ST6GALNAC3: variants seen among roughly 807,000 people sequenced by gnomAD.
ST6GALNAC3 encodes the protein alpha-N-acetylgalactosaminide alpha-2,6-sialyltransferase 3.
A neutral mutation model predicts 32.7 loss-of-function variants in ST6GALNAC3; 25 were observed. The observed-to-expected ratio is 0.76, with a 90% CI of 0.56 to 1.07. The LOEUF (loss-of-function observed/expected upper bound fraction) is 1.07, where lower values mean the gene tolerates loss of function less well. Ranked by LOEUF, ST6GALNAC3 falls within the 50% of genes least tolerant of loss-of-function variation. The probability of loss-of-function intolerance (pLI) is 0.00; values close to 1 mark genes in which losing one functional copy is unlikely to be tolerated. For synonymous variants in ST6GALNAC3, 129 were observed against 133.1 expected (o/e 0.97, Z 0.21); for missense variants, 355 against 382.4 (o/e 0.93, Z 0.60).
rs1378342255 is a variant in ST6GALNAC3 at position 76,484,593 on chromosome 1, T to A, written c.623+72176T>A. ...ATTTTGTATCCTGAGACTTTGCTGA[T>A]GTTTCTTATCAGCTTAAGGAGATTT... On this transcript the variant is annotated intron_variant, in intron 3 of 4. Transcript: ENST00000328299. 3.3e-5 allele frequency among the ~76,000 whole-genome samples: 5 copies of A among 152,172 alleles called. No individual in the cohort carries two copies. In the East Asian group the frequency reaches 5.8e-4, roughly 18 times the overall value.
intron 2 of ST6GALNAC3, among the ~76,000 whole-genome samples, chr1:76,342,585 T>C (rs1474999129): frequency 1.3e-5 from 2 of 152,034 alleles, no homozygotes; most frequent in East Asian, 3.9e-4. Flanking sequence ...TTTAAGTTTC[T>C]TGTAGATTCT....
At chr1:76,466,203 G>A (rs1322668827) in intron 3 of ST6GALNAC3, among the ~76,000 whole-genome samples, 3 of 152,076 alleles carry the variant, frequency 2.0e-5, no homozygotes, top group African/African-American at 7.2e-5. Context: ...AAATCATTGT[G>A]ATGATGACAT....
At chr1:76,500,049 C>G (rs1571430517) in intron 3 of ST6GALNAC3, among the ~76,000 whole-genome samples, 1 of 151,942 alleles carries the variant, frequency 6.6e-6, no homozygotes, top group South Asian at 2.1e-4. Flanking sequence ...AAAAAAAAAG[C>G]CTTTGGCCAA....
chr1:76,137,573 G>A (rs1185070482), intron 1 of ST6GALNAC3, among the ~76,000 whole-genome samples: 2 of 152,148 alleles, frequency 1.3e-5, no homozygotes, highest in African/African-American at 2.4e-5. Flanking sequence ...CCCACCTACC[G>A]TCATGAACTC....
At chr1:76,430,100 G>C (rs1655652743) in intron 3 of ST6GALNAC3, among the ~76,000 whole-genome samples, 1 of 152,082 alleles carries the variant, frequency 6.6e-6, no homozygotes, top group Non-Finnish European at 1.5e-5. Flanking sequence ...AAATGTAATT[G>C]AGTTACCAAG....
intron 1 of ST6GALNAC3, among the ~76,000 whole-genome samples, chr1:76,274,886 T>C (rs1264446432): frequency 1.3e-5 from 2 of 152,180 alleles, no homozygotes; most frequent in Non-Finnish European, 2.9e-5. Flanking sequence ...AACTTCATCT[T>C]GTGAATTCAG....
chr1:76,400,126 C>A (rs910043832), intron 2 of ST6GALNAC3, among the ~76,000 whole-genome samples: 1 of 152,064 alleles, frequency 6.6e-6, no homozygotes, highest in Non-Finnish European at 1.5e-5. Context: ...AAAAATTTAA[C>A]ATTAAGTATT....
At chr1:76,360,289 T>G in intron 2 of ST6GALNAC3, among the ~76,000 whole-genome samples, 1 of 152,294 alleles carries the variant, frequency 6.6e-6, no homozygotes, top group Non-Finnish European at 1.5e-5. Flanking sequence ...TATCCTTCTT[T>G]TTTTCATTCA....
At chr1:76,510,358 G>A (rs1661772477) in intron 3 of ST6GALNAC3, among the ~76,000 whole-genome samples, 1 of 151,630 alleles carries the variant, frequency 6.6e-6, no homozygotes, top group South Asian at 2.1e-4. Flanking sequence ...TGAGGACTTT[G>A]TGCCAGGTGG....
At chr1:76,437,828 C>G (rs1430273149) in intron 3 of ST6GALNAC3, among the ~76,000 whole-genome samples, 1 of 151,974 alleles carries the variant, frequency 6.6e-6, no homozygotes, top group Admixed American at 6.6e-5. Flanking sequence ...CCCGCCTCAG[C>G]CTCCCAAAGT....
At chr1:76,489,452 C>T (rs1016954555) in intron 3 of ST6GALNAC3, among the ~76,000 whole-genome samples, 10 of 152,080 alleles carry the variant, frequency 6.6e-5, no homozygotes, top group African/African-American at 1.9e-4. Flanking sequence ...CTCTCCCTCT[C>T]GCTCTTGCTC....
intron 2 of ST6GALNAC3, among the ~76,000 whole-genome samples, chr1:76,372,695 A>G (rs1476163729): frequency 6.6e-6 from 1 of 152,180 alleles, no homozygotes; most frequent in Non-Finnish European, 1.5e-5. Context: ...GCTAGCATTC[A>G]TTTCCATGGC....
rs1456481318 is a variant in ST6GALNAC3, at chr1:76,130,245, C to T, written c.18+55361C>T. Among the ~76,000 whole-genome samples the T allele has an allele frequency of 2.6e-5, 4 of 152,210 alleles. No homozygotes were observed. The East Asian group carries it at 5.8e-4, about 22-fold the overall frequency. ...AGTCATGTAGTTGCCAGTCTCCTGA[C>T]GAAATGGCTAGACCACCACCCAGGA... On this transcript the variant is annotated intron_variant, in intron 1 of 4. Transcript: ENST00000328299.
intron 1 of ST6GALNAC3, among the ~76,000 whole-genome samples, chr1:76,302,317 G>C (rs1381882124): frequency 1.3e-5 from 2 of 151,972 alleles, no homozygotes; most frequent in Non-Finnish European, 2.9e-5. Flanking sequence ...CGCACTGTCA[G>C]TATGAACTTG....
At chr1:76,236,676 G>T (rs1416681531) in intron 1 of ST6GALNAC3, among the ~76,000 whole-genome samples, 2 of 152,088 alleles carry the variant, frequency 1.3e-5, no homozygotes, top group Non-Finnish European at 2.9e-5. Flanking sequence ...TTATAAACAA[G>T]ACTATAATCT....
intron 1 of ST6GALNAC3, among the ~76,000 whole-genome samples, chr1:76,088,858 C>T (rs550199381): frequency 2.0e-5 from 3 of 152,128 alleles, no homozygotes; most frequent in Non-Finnish European, 4.4e-5. Flanking sequence ...TGCAAAGATC[C>T]GGTGGCATGA....
At chr1:76,278,955 C>T (rs1659342302) in intron 1 of ST6GALNAC3, among the ~76,000 whole-genome samples, 2 of 152,304 alleles carry the variant, frequency 1.3e-5, no homozygotes, top group East Asian at 1.9e-4. Context: ...CATTTGAGTA[C>T]AATGACCGGA....
chr1:76,210,270 T>C (rs1655072560), intron 1 of ST6GALNAC3, among the ~76,000 whole-genome samples: 1 of 152,218 alleles, frequency 6.6e-6, no homozygotes, highest in Non-Finnish European at 1.5e-5. Context: ...GCCTTCTTTG[T>C]CATATTGCAG....
intron 3 of ST6GALNAC3, among the ~76,000 whole-genome samples, chr1:76,618,950 G>A (rs1395274076): frequency 6.6e-6 from 1 of 152,110 alleles, no homozygotes. Flanking sequence ...GCACAGAAAG[G>A]TTGCGAGAAA....
Sources: gnomAD v4.1 joint callset for allele counts (sites outside exome capture counted in the v4.1 genomes callset) on GRCh38, gnomAD v4.1.1 for gene constraint, MANE v1.5 for transcripts, NCBI Gene and HGNC (gene_info 2026-07-23, HGNC 2026-07-21) for gene names.